The following SPIDR variants were observed in gnomAD, a reference collection of about 807,000 sequenced individuals.
SPIDR encodes scaffold protein involved in DNA repair.
SPIDR carries 93 observed loss-of-function variants against 104.6 expected under a neutral mutation model. The ratio of observed to expected loss-of-function variants is 0.89; its 90% CI spans 0.75 to 1.06. SPIDR has a LOEUF of 1.06. Among genes scored for constraint, SPIDR ranks in the 50% least tolerant of loss-of-function variants. The pLI, the probability that SPIDR is intolerant of heterozygous loss-of-function variation, is 0.00. For missense variants in SPIDR, 1,154 were observed against 1,111.2 expected, an observed-to-expected ratio of 1.04 and a Z score of -0.55; for synonymous variants, 431 against 416.9, an observed-to-expected ratio of 1.03 and a Z score of -0.41.
chr8:47,441,286 C>G (rs2069377724), intron 8 of SPIDR, among the ~76,000 whole-genome samples: 1 of 152,098 alleles, frequency 6.6e-6, no homozygotes, highest in Non-Finnish European at 1.5e-5. Context: ...GTGCCTTTTT[C>G]TTCTCCTTTA....
intron 10 of SPIDR, among the ~76,000 whole-genome samples, chr8:47,635,680 A>C (rs1484671553): frequency 6.6e-6 from 1 of 152,104 alleles, no homozygotes; most frequent in Admixed American, 6.5e-5. Flanking sequence ...CATGCCTATG[A>C]ATAGGCAGTG....
At chr8:47,282,793 T>C (rs1335583620) in intron 2 of SPIDR, among the ~76,000 whole-genome samples, 1 of 152,228 alleles carries the variant, frequency 6.6e-6, no homozygotes, top group Admixed American at 6.5e-5. Context: ...GTCTAGCTTT[T>C]AGCCTATCTT....
At chr8:47,660,604 G>C (rs1047263814) in intron 10 of SPIDR, 5 of 788,606 alleles carry the variant, frequency 6.3e-6, no homozygotes, top group Non-Finnish European at 6.2e-6. Flanking sequence ...TGGGTGGCTA[G>C]GGGCAGGGAC....
At chr8:47,708,332 AT>A (rs1197173029) in intron 14 of SPIDR, among the ~76,000 whole-genome samples, 1 of 152,164 alleles carries the variant, frequency 6.6e-6, no homozygotes, top group Non-Finnish European at 1.5e-5. Context: ...ACTTTCCCTG[AT>A]TACACAGGGC....
chr8:47,338,714 T>C (rs2050197727), intron 5 of SPIDR, among the ~76,000 whole-genome samples: 1 of 152,174 alleles, frequency 6.6e-6, no homozygotes, highest in African/African-American at 2.4e-5. Flanking sequence ...TATTGAAAAA[T>C]CATTCTAGTG....
At chr8:47,569,838 A>G (rs972363308) in intron 8 of SPIDR, among the ~76,000 whole-genome samples, 1 of 152,344 alleles carries the variant, frequency 6.6e-6, no homozygotes, top group South Asian at 2.1e-4. Context: ...GTATTTCTGT[A>G]CAATGCAATG....
chr8:47,364,954 C>T (rs1270398277), intron 5 of SPIDR, among the ~76,000 whole-genome samples: 4 of 152,178 alleles, frequency 2.6e-5, no homozygotes, highest in Non-Finnish European at 2.9e-5. Flanking sequence ...TGCTGCCCTC[C>T]GTCTTCCCCA....
At chr8:47,719,636 A>G (rs1261589556) in intron 16 of SPIDR, among the ~76,000 whole-genome samples, 1 of 152,168 alleles carries the variant, frequency 6.6e-6, no homozygotes, top group Non-Finnish European at 1.5e-5. Context: ...CTGGGCTAAC[A>G]AGGGGTGAGT....
chr8:47,303,097 T>C (rs1403327742), intron 5 of SPIDR, among the ~76,000 whole-genome samples: 1 of 152,232 alleles, frequency 6.6e-6, no homozygotes, highest in East Asian at 1.9e-4. Flanking sequence ...CTCCACCCAG[T>C]TCCAGCTTCC....
chr8:47,600,418 A>T (rs896225899), intron 10 of SPIDR, among the ~76,000 whole-genome samples: 5 of 152,178 alleles, frequency 3.3e-5, no homozygotes, highest in Admixed American at 3.3e-4. Flanking sequence ...GAGAAACAGG[A>T]TACCTATACT....
intron 8 of SPIDR, among the ~76,000 whole-genome samples, chr8:47,454,401 C>G (rs1192755122): frequency 6.6e-6 from 1 of 151,960 alleles, no homozygotes; most frequent in African/African-American, 2.4e-5. Context: ...ACCGCATGTT[C>G]TCACTCTTAG....
chr8:47,348,501 C>T (rs1428174900), intron 5 of SPIDR, among the ~76,000 whole-genome samples: 1 of 152,290 alleles, frequency 6.6e-6, no homozygotes, highest in East Asian at 1.9e-4. Context: ...ACCTGCCTTG[C>T]GAAGTTGGGG....
At chr8:47,602,943 G>A (rs1277513381) in intron 10 of SPIDR, among the ~76,000 whole-genome samples, 3 of 152,152 alleles carry the variant, frequency 2.0e-5, no homozygotes, top group Non-Finnish European at 4.4e-5. Context: ...AAACGTTTCT[G>A]TGAGGTTTCT....
intron 10 of SPIDR, among the ~76,000 whole-genome samples, chr8:47,647,649 A>AGAGAGAGAGAGAGAGAGG (rs2070733719): frequency 7.0e-6 from 1 of 142,754 alleles, no homozygotes; most frequent in Non-Finnish European, 1.5e-5. Context: ...AGAGAGAGAG[A>AGAGAGAGAGAGAGAGAGG]GAGAGGGAGA....
In SPIDR at chr8:47,525,434, A is replaced by G. The variant is rs543824882; in HGVS notation, c.1098-70377A>G. On this transcript the variant is annotated intron_variant, in intron 8 of 19. Coordinates refer to ENST00000297423, the MANE Select transcript of SPIDR (RefSeq NM_001080394.4). ...AACCTACTTTCTTTTTCTTTAACCA[A>G]CATAGGTGAAAACTTAGAAAATTTT... Among the ~76,000 whole-genome samples, 23 of 152,324 alleles carry G rather than the reference A, an allele frequency of 1.5e-4. 1 individual carries two copies. Among genetic ancestry groups the G allele is most frequent in the Non-Finnish European group, 2.9e-5 (2 of 68,022 alleles).
At chr8:47,519,202 T>G (rs1042906426) in intron 8 of SPIDR, among the ~76,000 whole-genome samples, 4 of 152,098 alleles carry the variant, frequency 2.6e-5, no homozygotes, top group Non-Finnish European at 1.5e-5. Context: ...TGGAATGCAG[T>G]GGCGCGATCT....
intron 16 of SPIDR, among the ~76,000 whole-genome samples, chr8:47,724,664 T>C (rs2154492834): frequency 6.6e-6 from 1 of 152,248 alleles, no homozygotes; most frequent in Admixed American, 6.5e-5. Context: ...GTACTGAACA[T>C]TTTCTCTGAG....
At chr8:47,559,658 C>T (rs1364423563) in intron 8 of SPIDR, among the ~76,000 whole-genome samples, 3 of 152,166 alleles carry the variant, frequency 2.0e-5, no homozygotes, top group Non-Finnish European at 4.4e-5. Context: ...CCAGAAGTGT[C>T]CCCTATGCCT....
intron 7 of SPIDR, among the ~76,000 whole-genome samples, chr8:47,437,936 G>A (rs2068673324): frequency 6.6e-6 from 1 of 152,226 alleles, no homozygotes; most frequent in South Asian, 2.1e-4. Flanking sequence ...AGTAATCTTT[G>A]AAGAAACTGT....
Sources: allele counts gnomAD v4.1 joint callset (sites outside exome capture counted in the v4.1 genomes callset), GRCh38; gene constraint gnomAD v4.1.1; transcripts MANE v1.5; gene names NCBI Gene and HGNC (gene_info 2026-07-23, HGNC 2026-07-21).